HIVEP1: variants seen among roughly 807,000 people sequenced by gnomAD.
The protein encoded by HIVEP1 is zinc finger protein 40.
HIVEP1 carries 36 observed loss-of-function variants against 180.0 expected under a neutral mutation model. The ratio of observed to expected loss-of-function variants is 0.20; its 90% CI spans 0.15 to 0.26. The LOEUF (loss-of-function observed/expected upper bound fraction) is 0.26, where lower values mean the gene tolerates loss of function less well. HIVEP1 is among the 10% of genes least tolerant of loss of function. The pLI, the probability that HIVEP1 is intolerant of heterozygous loss-of-function variation, is 1.00. For missense variants in HIVEP1, 3,143 were observed against 3,268.7 expected, an observed-to-expected ratio of 0.96 and a Z score of 0.94; for synonymous variants, 1,239 against 1,239.0, an observed-to-expected ratio of 1.00 and a Z score of 0.00.
In HIVEP1 at chr6:12,163,652, G is replaced by A. The variant is rs976440697; in HGVS notation, c.7348G>A (p.Gly2450Ser). The A allele has an allele frequency of 6.2e-7, 1 of 1,614,134 alleles. No individual in the cohort carries two copies. The highest frequency in any genetic ancestry group is 1.1e-5 in the South Asian group (1 of 91,086). The change falls in exon 9 of 9, where the codon GGC becomes AGC. Residue 2450 changes from glycine to serine, a missense_variant. Coordinates refer to ENST00000379388, the MANE Select transcript of HIVEP1 (RefSeq NM_002114.4). Reference sequence around the variant, plus strand: ...TAGGAATACGGTCACAGAAGTGTCTGGCACTACAAACCCTGCTGGAGTGGC... The same window carrying A: ...TAGGAATACGGTCACAGAAGTGTCTAGCACTACAAACCCTGCTGGAGTGGC... ...THRNTVTEVS[G>S]TTNPAGVAEL...
rs767871910 is a variant in HIVEP1, at chr6:12,122,305, C to G, written c.2510C>G (p.Thr837Arg). Reference protein sequence around the residue: ...SVPSLDCLPITRSNSMPTTGY... With the variant: ...SVPSLDCLPIRRSNSMPTTGY... ...CCTTCACTTGACTGTTTACCTATCA[C>G]AAGAAGTAATTCCATGCCGACCACA... The change falls in exon 4 of 9, where the codon ACA becomes AGA. Residue 837 changes from threonine to arginine, a missense_variant. Physicochemically the swap from Thr to Arg is moderately conservative, Grantham distance 71 (BLOSUM62 -1). Coordinates refer to ENST00000379388, the MANE Select transcript of HIVEP1 (RefSeq NM_002114.4). 6.2e-7 allele frequency: 1 copy of G among 1,614,214 alleles called. No individual in the cohort carries two copies. The highest frequency in any genetic ancestry group is 2.2e-5 in the East Asian group (1 of 44,892).
At chr6:12,204,373 TA>T in the HIVEP1 span, among the ~76,000 whole-genome samples, 51 of 149,696 alleles carry the variant, frequency 3.4e-4, no homozygotes, top group African/African-American at 9.6e-4. Context: ...CTTCCCCGTC[TA>T]TCCTCCCCTT....
intron 2 of HIVEP1, among the ~76,000 whole-genome samples, chr6:12,039,929 G>A (rs1238661317): frequency 6.6e-6 from 1 of 152,178 alleles, no homozygotes; most frequent in East Asian, 1.9e-4. Flanking sequence ...GTTCAGGCAG[G>A]GCGGGCATCT....
chr6:12,041,053 C>G (rs1370809433), intron 2 of HIVEP1, among the ~76,000 whole-genome samples: 1 of 152,162 alleles, frequency 6.6e-6, no homozygotes, highest in Non-Finnish European at 1.5e-5. Context: ...AACTATCAGT[C>G]GGTCTGTTTG....
intron 2 of HIVEP1, among the ~76,000 whole-genome samples, chr6:12,056,496 T>A (rs1176840684): frequency 6.6e-6 from 1 of 152,220 alleles, no homozygotes; most frequent in Non-Finnish European, 1.5e-5. Flanking sequence ...TTTTTGTAAG[T>A]TGAATTTGAA....
At chr6:12,167,905 A>G (rs56296891), downstream of HIVEP1, among the ~76,000 whole-genome samples, 10 of 142,078 alleles carry the variant, frequency 7.0e-5, no homozygotes, top group Admixed American at 1.5e-4. Flanking sequence ...TATATAATAT[A>G]TACACATGTA....
intron 2 of HIVEP1, among the ~76,000 whole-genome samples, chr6:12,066,553 TG>T (rs1461900038): frequency 6.6e-6 from 1 of 152,246 alleles, no homozygotes; most frequent in African/African-American, 2.4e-5. Flanking sequence ...CCAGAGTCCT[TG>T]GAAGTGTTGG....
chr6:12,121,595 C>T lies in HIVEP1; in HGVS notation c.1800C>T (p.Asn600=), dbSNP rs373106084. ...AGCAGAAGGACCTTCAGGTGACAAACGTACAGCCACTTTCAGCCAACATGT... is the reference window on the plus strand; with the variant it reads ...AGCAGAAGGACCTTCAGGTGACAAATGTACAGCCACTTTCAGCCAACATGT... ...AQKQKDLQVT[N]VQPLSANMSQ... is the part of the protein sequence containing the mutation. Residue 600 remains asparagine, a synonymous_variant, in exon 4 of 9, where the codon AAC becomes AAT. Coordinates refer to ENST00000379388, the MANE Select transcript of HIVEP1 (RefSeq NM_002114.4). The surrounding 1 kb of genome is among the most constrained non-coding windows in gnomAD (Gnocchi z 5.3). The T allele has an allele frequency of 5.0e-5, 81 of 1,614,132 alleles. No individual in the cohort carries two copies. The African/African-American group carries it at 8.9e-4, about 18-fold the overall frequency.
intron 1 of HIVEP1, among the ~76,000 whole-genome samples, chr6:12,014,507 C>G (rs922229533): frequency 1.3e-5 from 2 of 152,206 alleles, no homozygotes; most frequent in African/African-American, 4.8e-5. Context: ...TACAGTACCA[C>G]TAATAACAAA....
chr6:12,188,864 A>G, the HIVEP1 span, among the ~76,000 whole-genome samples: 1 of 152,136 alleles, frequency 6.6e-6, no homozygotes, highest in South Asian at 2.1e-4. Flanking sequence ...AGTTCAGTGG[A>G]AAAATAAATA....
At chr6:12,074,690 G>A (rs1772234726) in intron 2 of HIVEP1, among the ~76,000 whole-genome samples, 2 of 145,946 alleles carry the variant, frequency 1.4e-5, no homozygotes, top group African/African-American at 4.9e-5. Context: ...GAGGCTGTAC[G>A]CTGGTCATGA....
intron 2 of HIVEP1, among the ~76,000 whole-genome samples, chr6:12,029,225 C>G (rs1768776983): frequency 6.6e-6 from 1 of 152,184 alleles, no homozygotes; most frequent in South Asian, 2.1e-4. Flanking sequence ...CCATTAACAC[C>G]TATTTTACTT....
At chr6:12,038,845 A>G (rs2113669739) in intron 2 of HIVEP1, 1 of 152,272 alleles carries the variant, frequency 6.6e-6, no homozygotes, top group South Asian at 2.1e-4. Context: ...TTGGATCTCT[A>G]CTCTGCCTTT....
chr6:12,048,848 T>G (rs1056130079), intron 2 of HIVEP1, among the ~76,000 whole-genome samples: 1 of 152,168 alleles, frequency 6.6e-6, no homozygotes. Flanking sequence ...TTGTATTATT[T>G]TCTCTCTCCT....
intron 7 of HIVEP1, among the ~76,000 whole-genome samples, chr6:12,138,651 T>C (rs1054443943): frequency 6.6e-5 from 10 of 152,280 alleles, no homozygotes; most frequent in Non-Finnish European, 1.2e-4. Context: ...TTGTAGGTAG[T>C]CTCATCCGGT....
chr6:12,105,077 C>T (rs1284782034), intron 3 of HIVEP1, among the ~76,000 whole-genome samples: 1 of 152,188 alleles, frequency 6.6e-6, no homozygotes, highest in Non-Finnish European at 1.5e-5. Context: ...ACAATATCTT[C>T]CTTCAAAGAA....
At chr6:12,103,281 G>A (rs919071892) in intron 3 of HIVEP1, among the ~76,000 whole-genome samples, 7 of 152,034 alleles carry the variant, frequency 4.6e-5, no homozygotes, top group African/African-American at 1.7e-4. Flanking sequence ...CTGTCTACAT[G>A]CATTATCTCA....
At chr6:12,187,955 A>C in the HIVEP1 span, among the ~76,000 whole-genome samples, 2 of 152,200 alleles carry the variant, frequency 1.3e-5, no homozygotes, top group Non-Finnish European at 2.9e-5. Context: ...CAGACTAAGA[A>C]AATGACTACT....
At chr6:12,136,343 C>T (rs1758703604) in intron 7 of HIVEP1, among the ~76,000 whole-genome samples, 1 of 152,166 alleles carries the variant, frequency 6.6e-6, no homozygotes. Flanking sequence ...CCCTCACTCC[C>T]CACACAAACG....
Sources: allele counts gnomAD v4.1 joint callset (sites outside exome capture counted in the v4.1 genomes callset), GRCh38; gene constraint gnomAD v4.1.1; non-coding constraint Gnocchi (gnomAD v3.1); transcripts MANE v1.5; gene names NCBI Gene and HGNC (gene_info 2026-07-23, HGNC 2026-07-21).